Variants in GPC6 observed in about 807,000 individuals in gnomAD.
GPC6 encodes the protein glypican-6.
A neutral mutation model predicts 55.2 loss-of-function variants in GPC6; 14 were observed. The observed-to-expected ratio is 0.25, with a 90% CI of 0.17 to 0.40. The LOEUF (loss-of-function observed/expected upper bound fraction) is 0.40. GPC6 is among the 10% of genes least tolerant of loss of function. The probability of loss-of-function intolerance (pLI) is 1.00; values close to 1 mark genes in which losing one functional copy is unlikely to be tolerated. For synonymous variants in GPC6, 278 were observed against 259.6 expected (o/e 1.07, Z -0.68); for missense variants, 641 against 708.5 (o/e 0.90, Z 1.08).
chr13:93,673,169 C>T (rs974871079), intron 2 of GPC6, among the ~76,000 whole-genome samples: 7 of 152,054 alleles, frequency 4.6e-5, no homozygotes, highest in African/African-American at 1.7e-4. Flanking sequence ...AAGGAGGAGG[C>T]AGAGCATGAG....
At chr13:94,075,769 T>A (rs1289793871) in intron 4 of GPC6, among the ~76,000 whole-genome samples, 1 of 152,164 alleles carries the variant, frequency 6.6e-6, no homozygotes, top group East Asian at 1.9e-4. Flanking sequence ...TCAAGGTTTA[T>A]GACAAGGTTT....
intron 1 of GPC6, among the ~76,000 whole-genome samples, chr13:93,427,143 T>C (rs1238737402): frequency 1.3e-5 from 2 of 151,752 alleles, no homozygotes; most frequent in African/African-American, 2.4e-5. Flanking sequence ...TATTAGCCCT[T>C]TGTCAGATGA....
At chr13:94,294,213 T>C (rs1047001623) in intron 5 of GPC6, among the ~76,000 whole-genome samples, 3 of 152,316 alleles carry the variant, frequency 2.0e-5, no homozygotes, top group Non-Finnish European at 4.4e-5. Flanking sequence ...AGATATCATT[T>C]AACTATATTC....
intron 2 of GPC6, among the ~76,000 whole-genome samples, chr13:93,651,854 G>A (rs201456272): frequency 2.0e-5 from 3 of 152,090 alleles, no homozygotes; most frequent in East Asian, 3.9e-4. Context: ...AACAAACACC[G>A]ACGTCCATAT....
At chr13:94,157,740 C>A (rs1888004723) in intron 4 of GPC6, among the ~76,000 whole-genome samples, 1 of 152,116 alleles carries the variant, frequency 6.6e-6, no homozygotes, top group Admixed American at 6.6e-5. Flanking sequence ...CAGCAGTGTG[C>A]ACACTACACT....
chr13:94,376,538 G>T (rs1282722619), intron 6 of GPC6, among the ~76,000 whole-genome samples: 3 of 151,198 alleles, frequency 2.0e-5, no homozygotes, highest in Non-Finnish European at 3.0e-5. Flanking sequence ...CACTGCTCAA[G>T]GAAATAAAAG....
chr13:94,294,456 A>AG (rs1555316705), intron 5 of GPC6, among the ~76,000 whole-genome samples: 1 of 148,722 alleles, frequency 6.7e-6, no homozygotes, highest in Non-Finnish European at 1.5e-5. Context: ...AAAAAAAAAA[A>AG]CCCTAAGAGA....
intron 4 of GPC6, among the ~76,000 whole-genome samples, chr13:94,060,767 T>G (rs1469244710): frequency 6.6e-6 from 1 of 152,188 alleles, no homozygotes; most frequent in Non-Finnish European, 1.5e-5. Context: ...GCCTAATATT[T>G]AGGGGTAATA....
chr13:93,689,597 A>T (rs909075563), intron 2 of GPC6, among the ~76,000 whole-genome samples: 13 of 152,092 alleles, frequency 8.5e-5, no homozygotes, highest in African/African-American at 2.9e-4. Flanking sequence ...TCAGAAAAAC[A>T]TGTGGCCTGT....
At chr13:93,945,613 A>G (rs954320648) in intron 3 of GPC6, among the ~76,000 whole-genome samples, 1 of 152,236 alleles carries the variant, frequency 6.6e-6, no homozygotes, top group African/African-American at 2.4e-5. Context: ...GCCGAAAGAC[A>G]TTGACCAAGT....
intron 3 of GPC6, among the ~76,000 whole-genome samples, chr13:93,951,263 C>A (rs1879241356): frequency 6.6e-6 from 1 of 152,062 alleles, no homozygotes; most frequent in Admixed American, 6.6e-5. Flanking sequence ...TCACCTTGCC[C>A]AGATCAGTTT....
intron 1 of GPC6, among the ~76,000 whole-genome samples, chr13:93,322,827 T>C (rs1373281632): frequency 6.6e-6 from 1 of 152,144 alleles, no homozygotes; most frequent in Non-Finnish European, 1.5e-5. Flanking sequence ...CTGGGGTATA[T>C]GTGCAGAACG....
chr13:93,929,583 C>G (rs1878048714), intron 3 of GPC6, among the ~76,000 whole-genome samples: 1 of 152,044 alleles, frequency 6.6e-6, no homozygotes, highest in African/African-American at 2.4e-5. Context: ...ATTATGTCTA[C>G]TATAAAACAA....
chr13:93,339,026 C>G (rs983084162), intron 1 of GPC6, among the ~76,000 whole-genome samples: 1 of 152,128 alleles, frequency 6.6e-6, no homozygotes, highest in Non-Finnish European at 1.5e-5. Flanking sequence ...AGAACCACTG[C>G]TCTAATCTTG....
chr13:94,273,894 A>G (rs1892121833), intron 4 of GPC6, among the ~76,000 whole-genome samples: 2 of 152,216 alleles, frequency 1.3e-5, no homozygotes, highest in South Asian at 4.1e-4. Context: ...GAACATTCCA[A>G]GCTACAAATG....
At chr13:93,240,104 T>A (rs1461270740) in intron 1 of GPC6, among the ~76,000 whole-genome samples, 1 of 152,136 alleles carries the variant, frequency 6.6e-6, no homozygotes, top group Admixed American at 6.5e-5. Flanking sequence ...ATGTATATTC[T>A]CTAGTTTGGT....
chr13:93,259,035 C>T (rs1170307000), intron 1 of GPC6, among the ~76,000 whole-genome samples: 2 of 152,108 alleles, frequency 1.3e-5, no homozygotes, highest in Non-Finnish European at 2.9e-5. Flanking sequence ...CTGGTGAATG[C>T]AAATGAGTAC....
chr13:93,931,754 A>G (rs1372410938), intron 3 of GPC6, among the ~76,000 whole-genome samples: 2 of 136,482 alleles, frequency 1.5e-5, no homozygotes, highest in Non-Finnish European at 3.1e-5. Flanking sequence ...ACAGAGCAAG[A>G]CTCTGTCTCA....
intron 4 of GPC6, among the ~76,000 whole-genome samples, chr13:94,176,642 A>G (rs978020995): frequency 2.0e-5 from 3 of 152,190 alleles, no homozygotes; most frequent in East Asian, 1.9e-4. Context: ...TCAGAATTCT[A>G]TGTTCTGTGC....
Sources: gnomAD v4.1 joint callset for allele counts (sites outside exome capture counted in the v4.1 genomes callset) on GRCh38, gnomAD v4.1.1 for gene constraint, MANE v1.5 for transcripts, NCBI Gene and HGNC (gene_info 2026-07-23, HGNC 2026-07-21) for gene names.